POLR3B: variants seen among roughly 807,000 people sequenced by gnomAD.
The protein encoded by POLR3B is DNA-directed RNA polymerase III subunit RPC2.
POLR3B carries 96 observed loss-of-function variants against 147.4 expected under a neutral mutation model. The ratio of observed to expected loss-of-function variants is 0.65; its 90% CI spans 0.55 to 0.77. The LOEUF (loss-of-function observed/expected upper bound fraction) is 0.77. Ranked by LOEUF, POLR3B falls within the 30% of genes least tolerant of loss-of-function variation. The probability of loss-of-function intolerance (pLI) is 0.00; values close to 1 mark genes in which losing one functional copy is unlikely to be tolerated. For missense variants in POLR3B, 1,036 were observed against 1,413.5 expected (o/e 0.73, Z 4.28); for synonymous variants, 461 against 485.9 (o/e 0.95, Z 0.67).
At chr12:106,397,397 G>A (rs1445525343) in intron 10 of POLR3B, among the ~76,000 whole-genome samples, 4 of 152,028 alleles carry the variant, frequency 2.6e-5, no homozygotes, top group African/African-American at 7.2e-5. Flanking sequence ...TCCCCCTCAT[G>A]CCCCTTCCTA....
In POLR3B at chr12:106,433,875, A is replaced by G. The variant is rs370805170; in HGVS notation, c.1781+3A>G. ...TCTGATGGGGGAAGGCTATGCAGGT[A>G]TATATGCAGGTTACTAAAAAGAGTT... On this transcript the variant is annotated splice_donor_region_variant and intron_variant, in intron 16 of 27. Transcript: ENST00000228347. 2 of 1,611,278 alleles carry G rather than the reference A, an allele frequency of 1.2e-6. No individual in the cohort carries two copies. Among genetic ancestry groups the G allele is most frequent in the South Asian group, 2.2e-5 (2 of 90,948 alleles).
intron 19 of POLR3B, chr12:106,446,433 AAAG>A (rs2037726027): frequency 2.9e-6 from 1 of 343,540 alleles, no homozygotes; most frequent in Non-Finnish European, 5.6e-6. Context: ...AAAAAAAAAA[AAAG>A]AAAAGAGAAA....
intron 27 of POLR3B, among the ~76,000 whole-genome samples, chr12:106,508,180 T>TTCTATC (rs1469359986): frequency 2.0e-5 from 3 of 152,222 alleles, no homozygotes; most frequent in Non-Finnish European, 4.4e-5. Context: ...CACAGTCTTC[T>TTCTATC]TCTATCTAAA....
At chr12:106,409,474 T>C (rs1274004140) in intron 11 of POLR3B, among the ~76,000 whole-genome samples, 3 of 151,590 alleles carry the variant, frequency 2.0e-5, no homozygotes, top group African/African-American at 7.3e-5. Flanking sequence ...TACTTTTTCT[T>C]TTACCACATT....
At chr12:106,433,228 TG>T (rs1432755801) in intron 15 of POLR3B, among the ~76,000 whole-genome samples, 4 of 152,232 alleles carry the variant, frequency 2.6e-5, no homozygotes, top group Non-Finnish European at 5.9e-5. Flanking sequence ...GCTTTTACTC[TG>T]CACTTTCACC....
chr12:106,465,344 T>C (rs2037990280), intron 23 of POLR3B, among the ~76,000 whole-genome samples: 1 of 152,222 alleles, frequency 6.6e-6, no homozygotes, highest in Admixed American at 6.5e-5. Context: ...ATCCCCCTTC[T>C]GAATCAGTTT....
At chr12:106,403,778 G>C (rs1447650157) in intron 10 of POLR3B, among the ~76,000 whole-genome samples, 1 of 139,834 alleles carries the variant, frequency 7.2e-6, no homozygotes. Flanking sequence ...CATGGACACG[G>C]GGTGGGGAAC....
chr12:106,379,977 A>T, intron 8 of POLR3B, 54 bp from the exon 9 acceptor site: 1 of 962,798 alleles, frequency 1.0e-6, no homozygotes, highest in Non-Finnish European at 1.7e-6. Flanking sequence ...ATTGCATGTT[A>T]CTAGCTTGAA....
In POLR3B at chr12:106,454,543, A is replaced by T. The variant is rs773318236; in HGVS notation, c.2125A>T (p.Met709Leu). The T allele has an allele frequency of 5.6e-6, 9 of 1,606,558 alleles. No individual in the cohort carries two copies. The highest frequency in any genetic ancestry group is 7.7e-6 in the Non-Finnish European group (9 of 1,173,374). The change falls in exon 20 of 28, where the codon ATG becomes TTG. Residue 709 changes from methionine to leucine, a missense_variant. This residue lies in a region of POLR3B where 202 missense variants were observed against 272.8 expected (regional missense o/e 0.74). Transcript: ENST00000228347. The stretch of plus-strand genomic sequence containing the variant: ...CCAGCGAAACAGAATTGATACTCTC[A>T]TGTATCTACTAGCATATCCACAAAA... Reference protein sequence around the residue: ...YNQRNRIDTLMYLLAYPQKPM... With the variant: ...YNQRNRIDTLLYLLAYPQKPM...
chr12:106,468,287 C>T (rs1420537452), intron 23 of POLR3B, among the ~76,000 whole-genome samples: 3 of 152,204 alleles, frequency 2.0e-5, no homozygotes, highest in East Asian at 1.9e-4. Flanking sequence ...TCTGTGGGAT[C>T]GGTGGTGATG....
rs1354292544 is a variant in POLR3B at position 106,463,476 on chromosome 12, AG to A, written c.2571-1del. On this transcript the variant is annotated splice_acceptor_variant, in intron 22 of 27. Coordinates refer to ENST00000228347, the MANE Select transcript of POLR3B (RefSeq NM_018082.6). LOFTEE classifies it high-confidence loss of function. ...GTTTTAGTGACTTTCTCTTAACACCAGCTACAAAGGAGCAACAGACTCATAT... is the reference window on the plus strand; with the variant it reads ...GTTTTAGTGACTTTCTCTTAACACCACTACAAAGGAGCAACAGACTCATAT... 1.9e-6 allele frequency: 3 copies of A among 1,613,132 alleles called. No homozygotes were observed. The highest frequency in any genetic ancestry group is 1.7e-5 in the Admixed American group (1 of 59,974).
chr12:106,391,445 G>T (rs1230510960), intron 9 of POLR3B, among the ~76,000 whole-genome samples: 2 of 136,310 alleles, frequency 1.5e-5, no homozygotes, highest in Non-Finnish European at 1.5e-5. Flanking sequence ...GAGTATCAAA[G>T]AATCTATGAA....
intron 23 of POLR3B, among the ~76,000 whole-genome samples, chr12:106,469,159 CTCT>C (rs1445499248): frequency 3.3e-5 from 5 of 152,020 alleles, no homozygotes; most frequent in African/African-American, 1.2e-4. Context: ...GGATAGTTAG[CTCT>C]TCTTGTTGAA....
intron 22 of POLR3B, 57 bp downstream of exon 22, chr12:106,459,425 G>A: frequency 1.0e-6 from 1 of 982,588 alleles, no homozygotes; most frequent in South Asian, 1.3e-5. Context: ...GAGAAGAAAT[G>A]GGAGAAATTC....
chr12:106,393,461 T>G (rs2036939794), intron 10 of POLR3B, among the ~76,000 whole-genome samples: 1 of 151,596 alleles, frequency 6.6e-6, no homozygotes, highest in Non-Finnish European at 1.5e-5. Context: ...AATATACTTT[T>G]TAAACTATGG....
chr12:106,404,093 GTT>G (rs372930203), intron 10 of POLR3B, among the ~76,000 whole-genome samples: 42,452 of 135,626 alleles, frequency 0.31, 7,423 homozygotes, highest in African/African-American at 0.56. Context: ...GTTGTTTTTT[GTT>G]TTTTTTTTTT....
At chr12:106,415,960 T>TA (rs2037296818) in intron 12 of POLR3B, among the ~76,000 whole-genome samples, 2 of 152,150 alleles carry the variant, frequency 1.3e-5, no homozygotes, top group South Asian at 4.1e-4. Context: ...ACAAATATCT[T>TA]TATTAACTGG....
intron 9 of POLR3B, among the ~76,000 whole-genome samples, chr12:106,387,186 T>C (rs1471593519): frequency 6.6e-6 from 1 of 152,276 alleles, no homozygotes; most frequent in East Asian, 1.9e-4. Flanking sequence ...CCTGTGCTTT[T>C]GTGATATACA....
intron 23 of POLR3B, among the ~76,000 whole-genome samples, chr12:106,472,859 T>G (rs2038113527): frequency 7.5e-6 from 1 of 133,168 alleles, no homozygotes; most frequent in South Asian, 2.3e-4. Context: ...CAGAAGCTCT[T>G]TAGTTTAATG....
Sources: allele counts gnomAD v4.1 joint callset (sites outside exome capture counted in the v4.1 genomes callset), GRCh38; gene constraint gnomAD v4.1.1; regional missense constraint gnomAD v4.1.1; transcripts MANE v1.5; gene names NCBI Gene and HGNC (gene_info 2026-07-23, HGNC 2026-07-21).